Variants in SEMA5A observed in about 807,000 individuals in gnomAD.
SEMA5A encodes the protein semaphorin-5A.
Under a neutral mutation model 135.5 loss-of-function variants are expected in SEMA5A, and 55 were observed. The ratio of observed to expected loss-of-function variants is 0.41; its 90% CI spans 0.33 to 0.51. The LOEUF is 0.51. Ranked by LOEUF, SEMA5A falls within the 20% of genes least tolerant of loss-of-function variation. The pLI is 0.37. For missense variants in SEMA5A, 1,290 were observed against 1,419.9 expected (o/e 0.91, Z 1.47); for synonymous variants, 580 against 546.5 (o/e 1.06, Z -0.85).
At position 9,539,267 on chromosome 5, in the gene SEMA5A, C is replaced by T. The variant is rs78963962; in HGVS notation, c.-175+6317G>A. On this transcript the variant is annotated intron_variant, in intron 1 of 22. Coordinates refer to ENST00000382496, the MANE Select transcript of SEMA5A (RefSeq NM_003966.3). ...TTGGCACAAGGTTTTGAGGTTCATA[C>T]ATATTGCAGCATATATCAAGAGTTC... Among the ~76,000 whole-genome samples, 1,070 of 152,316 alleles carry T rather than the reference C, an allele frequency of 7.0e-3. 14 individuals carry two copies. The highest frequency in any genetic ancestry group is 0.024 in the African/African-American group (1,012 of 41,552).
At chr5:9,135,762 G>A (rs1208922568) in intron 13 of SEMA5A, among the ~76,000 whole-genome samples, 2 of 152,188 alleles carry the variant, frequency 1.3e-5, no homozygotes, top group African/African-American at 2.4e-5. Flanking sequence ...CATATTCTAT[G>A]AGAACACATA....
chr5:9,403,188 GCATT>G (rs1268863682), intron 2 of SEMA5A, among the ~76,000 whole-genome samples: 1 of 152,110 alleles, frequency 6.6e-6, no homozygotes, highest in African/African-American at 2.4e-5. Flanking sequence ...CTTCCAATTT[GCATT>G]CAAACTCATT....
chr5:9,148,269 T>G (rs1282951691), intron 12 of SEMA5A, among the ~76,000 whole-genome samples: 1 of 152,214 alleles, frequency 6.6e-6, no homozygotes. Context: ...ATTCATTTAT[T>G]CAAAAGGTAG....
At chr5:9,168,527 G>A (rs1490999634) in intron 11 of SEMA5A, among the ~76,000 whole-genome samples, 1 of 152,202 alleles carries the variant, frequency 6.6e-6, no homozygotes, top group Non-Finnish European at 1.5e-5. Flanking sequence ...TACCATGTGG[G>A]TGAGGGGGAG....
chr5:9,109,109 C>T (rs1413419346), intron 15 of SEMA5A, among the ~76,000 whole-genome samples: 1 of 131,602 alleles, frequency 7.6e-6, no homozygotes, highest in African/African-American at 2.9e-5. Context: ...GGCGTGATCT[C>T]GGCTCACTGC....
chr5:9,347,045 C>T (rs1753907585), intron 3 of SEMA5A, among the ~76,000 whole-genome samples: 1 of 151,952 alleles, frequency 6.6e-6, no homozygotes, highest in South Asian at 2.1e-4. Context: ...ATTTATAGAA[C>T]TTTTAAAAAA....
chr5:9,161,023 C>T (rs1053087632), intron 11 of SEMA5A, among the ~76,000 whole-genome samples: 1 of 152,146 alleles, frequency 6.6e-6, no homozygotes, highest in Non-Finnish European at 1.5e-5. Flanking sequence ...ATCTTATATT[C>T]CCAGTCCCCA....
chr5:9,519,812 TTC>T (rs1294386229), intron 1 of SEMA5A: 1 of 152,204 alleles, frequency 6.6e-6, no homozygotes, highest in African/African-American at 2.4e-5. Context: ...GTCCAGTGCT[TTC>T]TCTTACCTCA....
chr5:9,317,889 A>C (rs926440380), intron 5 of SEMA5A, among the ~76,000 whole-genome samples: 2 of 152,248 alleles, frequency 1.3e-5, no homozygotes, highest in African/African-American at 2.4e-5. Context: ...CAACAACAGA[A>C]GTAGGTAAAT....
At chr5:9,402,718 C>T (rs1278473754) in intron 2 of SEMA5A, among the ~76,000 whole-genome samples, 5 of 152,170 alleles carry the variant, frequency 3.3e-5, no homozygotes, top group Admixed American at 6.5e-5. Flanking sequence ...ATAATCTCAT[C>T]CTGCTTTTAA....
chr5:9,354,981 G>A (rs1335309865), intron 3 of SEMA5A, among the ~76,000 whole-genome samples: 2 of 152,138 alleles, frequency 1.3e-5, no homozygotes, highest in Non-Finnish European at 2.9e-5. Context: ...AGGTGTGAGG[G>A]AGGTAGGGCC....
At chr5:9,454,401 A>G (rs1312562485) in intron 1 of SEMA5A, among the ~76,000 whole-genome samples, 1 of 152,232 alleles carries the variant, frequency 6.6e-6, no homozygotes, top group Non-Finnish European at 1.5e-5. Context: ...AACCAAGGCT[A>G]TTAACTTGAA....
chr5:9,337,216 A>G (rs1753429096), intron 4 of SEMA5A, among the ~76,000 whole-genome samples: 1 of 152,196 alleles, frequency 6.6e-6, no homozygotes, highest in Admixed American at 6.5e-5. Flanking sequence ...CAAGGTAACA[A>G]AGAAAGGTGG....
intron 16 of SEMA5A, among the ~76,000 whole-genome samples, chr5:9,074,079 T>C (rs775658296): frequency 1.3e-5 from 2 of 152,142 alleles, no homozygotes; most frequent in Non-Finnish European, 2.9e-5. Context: ...GAAGACATAC[T>C]TTCTAACTTC....
intron 16 of SEMA5A, among the ~76,000 whole-genome samples, chr5:9,067,884 C>T (rs1021277287): frequency 1.3e-5 from 2 of 152,070 alleles, no homozygotes; most frequent in African/African-American, 4.8e-5. Flanking sequence ...GGAAGATTTC[C>T]TCAACCTTAT....
chr5:9,429,972 A>G (rs565990653), intron 2 of SEMA5A, among the ~76,000 whole-genome samples: 52 of 152,338 alleles, frequency 3.4e-4, no homozygotes, highest in African/African-American at 1.2e-3. Context: ...GAGGCCCAAG[A>G]GCAGAAGCAG....
chr5:9,477,892 T>A (rs757044433), intron 1 of SEMA5A, among the ~76,000 whole-genome samples: 4 of 152,012 alleles, frequency 2.6e-5, no homozygotes, highest in African/African-American at 9.7e-5. Flanking sequence ...TAAGCAACAA[T>A]GGGGAAAACG....
intron 11 of SEMA5A, among the ~76,000 whole-genome samples, chr5:9,170,532 T>C (rs2150306123): frequency 6.6e-6 from 1 of 152,112 alleles, no homozygotes; most frequent in East Asian, 1.9e-4. Context: ...CGTGGTCATA[T>C]TTGGAGGTGG....
intron 1 of SEMA5A, among the ~76,000 whole-genome samples, chr5:9,442,304 G>T (rs940551089): frequency 1.3e-5 from 2 of 152,196 alleles, no homozygotes; most frequent in African/African-American, 4.8e-5. Flanking sequence ...GGACACCAAG[G>T]CTCAGGTGAA....
Sources: gnomAD v4.1 joint callset for allele counts (sites outside exome capture counted in the v4.1 genomes callset) on GRCh38, gnomAD v4.1.1 for gene constraint, MANE v1.5 for transcripts, NCBI Gene and HGNC (gene_info 2026-07-23, HGNC 2026-07-21) for gene names.